RBMS3: variants seen among roughly 807,000 people sequenced by gnomAD.
The protein encoded by RBMS3 is RNA-binding motif, single-stranded-interacting protein 3.
Under a neutral mutation model 66.8 loss-of-function variants are expected in RBMS3, and 27 were observed. The observed-to-expected ratio is 0.40, with a 90% CI of 0.30 to 0.56. The LOEUF (loss-of-function observed/expected upper bound fraction) is 0.56, where lower values mean the gene tolerates loss of function less well. Among genes scored for constraint, RBMS3 ranks in the 20% least tolerant of loss-of-function variants. The pLI is 0.40. For missense variants in RBMS3, 513 were observed against 549.5 expected (o/e 0.93, Z 0.66); for synonymous variants, 188 against 183.0 (o/e 1.03, Z -0.22).
At chr3:29,356,706 G>A (rs1335842044) in intron 1 of RBMS3, among the ~76,000 whole-genome samples, 1 of 152,134 alleles carries the variant, frequency 6.6e-6, no homozygotes, top group Non-Finnish European at 1.5e-5. Context: ...AAGTTTACAT[G>A]CTAAATAATA....
intron 1 of RBMS3, among the ~76,000 whole-genome samples, chr3:29,401,039 A>G (rs1312767048): frequency 6.6e-6 from 1 of 152,076 alleles, no homozygotes; most frequent in Non-Finnish European, 1.5e-5. Context: ...TTAGTGAAGC[A>G]GTGCAAATAA....
At chr3:29,592,729 T>C (rs2047788947) in intron 4 of RBMS3, among the ~76,000 whole-genome samples, 2 of 152,080 alleles carry the variant, frequency 1.3e-5, no homozygotes. Context: ...TGCGGCACTA[T>C]TCATAATAGC....
intron 1 of RBMS3, among the ~76,000 whole-genome samples, chr3:29,357,227 T>C (rs1207854868): frequency 6.6e-6 from 1 of 151,806 alleles, no homozygotes; most frequent in Non-Finnish European, 1.5e-5. Context: ...GGCCCCGGTG[T>C]GTGATGTTCC....
intron 1 of RBMS3, among the ~76,000 whole-genome samples, chr3:29,358,720 G>A (rs1413917564): frequency 1.3e-5 from 2 of 151,898 alleles, no homozygotes; most frequent in Non-Finnish European, 2.9e-5. Flanking sequence ...CTTTTATTTG[G>A]TTGAGCAGTG....
chr3:29,480,472 A>G (rs1053202325), intron 2 of RBMS3, among the ~76,000 whole-genome samples: 1 of 152,192 alleles, frequency 6.6e-6, no homozygotes, highest in Non-Finnish European at 1.5e-5. Context: ...TACAGGCAAG[A>G]AAAAAAGAAC....
chr3:29,683,097 G>A (rs1042630631), intron 4 of RBMS3, among the ~76,000 whole-genome samples: 5 of 152,110 alleles, frequency 3.3e-5, no homozygotes, highest in Non-Finnish European at 7.4e-5. Flanking sequence ...GAAAAATCAA[G>A]CTTTGCTTTC....
At chr3:29,478,667 C>T (rs1188268234) in intron 2 of RBMS3, among the ~76,000 whole-genome samples, 1 of 152,170 alleles carries the variant, frequency 6.6e-6, no homozygotes, top group African/African-American at 2.4e-5. Context: ...GGAGTTTTCT[C>T]TTAAAACTGA....
chr3:29,715,716 C>T (rs1241628436), intron 4 of RBMS3, among the ~76,000 whole-genome samples: 1 of 152,096 alleles, frequency 6.6e-6, no homozygotes, highest in East Asian at 1.9e-4. Context: ...AAACCAATCT[C>T]AATGTCAGAG....
At chr3:29,501,879 T>A (rs2043987519) in intron 3 of RBMS3, among the ~76,000 whole-genome samples, 1 of 151,954 alleles carries the variant, frequency 6.6e-6, no homozygotes, top group Non-Finnish European at 1.5e-5. Flanking sequence ...GAGCAGAAAA[T>A]GAGTAAACGA....
At chr3:29,618,212 A>G (rs572216124) in intron 4 of RBMS3, among the ~76,000 whole-genome samples, 182 of 152,304 alleles carry the variant, frequency 1.2e-3, no homozygotes, top group Non-Finnish European at 2.0e-3. Flanking sequence ...AGCACAGAGT[A>G]GGCCGGGTGC....
At chr3:29,712,641 T>C (rs1484015047) in intron 4 of RBMS3, among the ~76,000 whole-genome samples, 9 of 152,014 alleles carry the variant, frequency 5.9e-5, no homozygotes, top group African/African-American at 2.2e-4. Context: ...GTAGACTGAG[T>C]AAAGAAGATC....
At chr3:29,455,575 T>A (rs770057624) in intron 2 of RBMS3, among the ~76,000 whole-genome samples, 1 of 152,162 alleles carries the variant, frequency 6.6e-6, no homozygotes, top group African/African-American at 2.4e-5. Flanking sequence ...GACACCTACT[T>A]AATAGATATT....
chr3:29,928,180 T>A (rs978616503), intron 10 of RBMS3, among the ~76,000 whole-genome samples: 2 of 102,588 alleles, frequency 1.9e-5, no homozygotes, highest in South Asian at 3.4e-4. Context: ...TCTTCAAATT[T>A]TATATATATA....
chr3:29,317,793 C>T (rs1168703405), intron 1 of RBMS3, among the ~76,000 whole-genome samples: 1 of 151,672 alleles, frequency 6.6e-6, no homozygotes, highest in Non-Finnish European at 1.5e-5. Context: ...GTTTGTTTTA[C>T]TCATCTTTAG....
intron 6 of RBMS3, among the ~76,000 whole-genome samples, chr3:29,828,641 A>G (rs753614114): frequency 6.8e-4 from 103 of 152,222 alleles, no homozygotes; most frequent in Non-Finnish European, 8.5e-4. Context: ...AAGAGTTACA[A>G]TTATGAATTT....
chr3:29,471,146 G>T (rs1184668865), intron 2 of RBMS3, among the ~76,000 whole-genome samples: 1 of 152,062 alleles, frequency 6.6e-6, no homozygotes, highest in Non-Finnish European at 1.5e-5. Flanking sequence ...ATATAGAAAA[G>T]AAAACAACAT....
intron 3 of RBMS3, among the ~76,000 whole-genome samples, chr3:29,562,227 C>T (rs148396097): frequency 6.6e-6 from 1 of 152,162 alleles, no homozygotes; most frequent in South Asian, 2.1e-4. Context: ...ATGGGCCCTG[C>T]AATAAACTGA....
chr3:29,919,466 C>T (rs1210697516), intron 10 of RBMS3, among the ~76,000 whole-genome samples: 2 of 152,214 alleles, frequency 1.3e-5, no homozygotes, highest in African/African-American at 4.8e-5. Context: ...ACATCTATCT[C>T]ATATATAGGT....
chr3:29,711,760 G>T (rs1266929354), intron 4 of RBMS3, among the ~76,000 whole-genome samples: 1 of 152,154 alleles, frequency 6.6e-6, no homozygotes, highest in East Asian at 1.9e-4. Context: ...AAATACTTTG[G>T]ATAGGGTTAT....
Sources: allele counts gnomAD v4.1 joint callset (sites outside exome capture counted in the v4.1 genomes callset), GRCh38; gene constraint gnomAD v4.1.1; transcripts MANE v1.5; gene names NCBI Gene and HGNC (gene_info 2026-07-23, HGNC 2026-07-21).